Variants in LAMA1 observed in about 807,000 individuals in gnomAD.
The protein encoded by LAMA1 is laminin subunit alpha-1.
In LAMA1, 219 loss-of-function variants were observed where a neutral mutation model predicts 348.7. That is an observed-to-expected ratio of 0.63 (90% CI 0.56 to 0.70). The LOEUF is 0.70. LAMA1 is among the 30% of genes least tolerant of loss of function. The pLI, the probability that LAMA1 is intolerant of heterozygous loss-of-function variation, is 0.00. For missense variants in LAMA1, 3,744 were observed against 3,888.0 expected (o/e 0.96, Z 0.99); for synonymous variants, 1,487 against 1,491.0 (o/e 1.00, Z 0.06).
At chr18:7,055,268 T>A (rs1210851513) in intron 3 of LAMA1, among the ~76,000 whole-genome samples, 1 of 151,604 alleles carries the variant, frequency 6.6e-6, no homozygotes, top group East Asian at 1.9e-4. Flanking sequence ...CTGGCCAACA[T>A]GGTGAAACCC....
chr18:6,985,146 G>A (rs1476155325), intron 39 of LAMA1, 91 bp downstream of exon 39: 1 of 1,454,708 alleles, frequency 6.9e-7, no homozygotes, highest in African/African-American at 1.4e-5. Context: ...CACAAAGGAA[G>A]AGTGACCCAT....
rs776095225 is a variant in LAMA1, at chr18:7,080,316, A to T, written c.203T>A (p.Ile68Asn). The T allele has an allele frequency of 1.4e-5, 22 of 1,614,108 alleles. No homozygotes were observed. In the African/African-American group the frequency reaches 1.5e-4, roughly 11 times the overall value. The stretch of plus-strand genomic sequence containing the variant: ...GGGGTTTGCGCTGTTGCCATCACAG[A>T]TCCGGCACTGTGGGTTTCGGACGGG... ...GRPVRNPQCRICDGNSANPRE... is the reference protein window; with the variant it reads ...GRPVRNPQCRNCDGNSANPRE... Residue 68 changes from isoleucine (I) to asparagine (N), a missense_variant, in exon 2 of 63, where the codon ATC becomes AAC. Coordinates refer to ENST00000389658, the MANE Select transcript of LAMA1 (RefSeq NM_005559.4).
chr18:7,065,246 A>C (rs1414532977), intron 3 of LAMA1, among the ~76,000 whole-genome samples: 1 of 150,892 alleles, frequency 6.6e-6, no homozygotes, highest in Non-Finnish European at 1.5e-5. Flanking sequence ...AAAAAAAAAA[A>C]AAAAAAACAA....
Position 6,975,942 on chromosome 18 carries a change from T to C in LAMA1, c.6484A>G (p.Thr2162Ala), listed in dbSNP as rs572351432. 3.1e-6 allele frequency: 5 copies of C among 1,614,110 alleles called. No individual in the cohort carries two copies. In the East Asian group the frequency reaches 1.1e-4, roughly 36 times the overall value. The change falls in exon 45 of 63, where the codon ACC becomes GCC. Residue 2162 changes from threonine to alanine, a missense_variant. Around this residue, in one of 3 missense-constraint regions of LAMA1, gnomAD observed 1,983 missense variants for 1,934.3 expected, o/e 1.03. Transcript: ENST00000389658. The stretch of plus-strand genomic sequence containing the variant: ...TCCAAAGGTCCATAACTTACAGCGG[T>C]GCTGCTACCGAGGTAGAAGAGAAGA... ...DNLLFYLGSS[T>A]ASDFLAVEMR...
chr18:7,072,833 C>T (rs2058151333), intron 3 of LAMA1, among the ~76,000 whole-genome samples: 2 of 152,098 alleles, frequency 1.3e-5, no homozygotes, highest in Non-Finnish European at 2.9e-5. Flanking sequence ...CGCTGCAAAT[C>T]GATGCTCCCT....
At chr18:7,060,019 C>G (rs558888440) in intron 3 of LAMA1, among the ~76,000 whole-genome samples, 2 of 152,284 alleles carry the variant, frequency 1.3e-5, no homozygotes, top group Admixed American at 1.3e-4. Context: ...TAATAGGAGG[C>G]TAATTACCAA....
chr18:7,057,004 T>A (rs922572599), intron 3 of LAMA1, among the ~76,000 whole-genome samples: 1 of 152,010 alleles, frequency 6.6e-6, no homozygotes, highest in Non-Finnish European at 1.5e-5. Context: ...CCGGAGTAGC[T>A]GGGATTACTG....
intron 58 of LAMA1, 106 bp downstream of exon 58, chr18:6,950,676 A>T: frequency 7.8e-7 from 1 of 1,277,318 alleles, no homozygotes; most frequent in Non-Finnish European, 1.1e-6. Context: ...ACACACGGCG[A>T]GATAGAGATT....
chr18:6,945,652 G>A (rs752389902), intron 61 of LAMA1, among the ~76,000 whole-genome samples: 11 of 152,180 alleles, frequency 7.2e-5, no homozygotes, highest in Non-Finnish European at 1.2e-4. Context: ...TGGCCTCTGT[G>A]TGGCTTGGCA....
intron 2 of LAMA1, 31 bp from the exon 3 acceptor site, chr18:7,080,118 C>T: frequency 1.3e-6 from 2 of 1,583,892 alleles, no homozygotes; most frequent in South Asian, 1.1e-5. Flanking sequence ...ACATGAATTC[C>T]TCTCGGCTGT....
chr18:7,054,781 G>A (rs2058075025), intron 3 of LAMA1, among the ~76,000 whole-genome samples: 2 of 152,080 alleles, frequency 1.3e-5, no homozygotes, highest in African/African-American at 4.8e-5. Flanking sequence ...ATGTGAAGAT[G>A]ACAAGGATGA....
chr18:6,958,460 A>G lies in LAMA1; in HGVS notation c.7964+17T>C, dbSNP rs1483078326. ...GGTCAGAAAGTGCAAGAACATGCAGAGAGCAGGTACACTTACTCCAAATTG... is the reference window on the plus strand; with the variant it reads ...GGTCAGAAAGTGCAAGAACATGCAGGGAGCAGGTACACTTACTCCAAATTG... On this transcript the variant is annotated intron_variant, in intron 55 of 62. Transcript: ENST00000389658. 1.2e-6 allele frequency: 2 copies of G among 1,613,198 alleles called. No homozygotes were observed. Among genetic ancestry groups the G allele is most frequent in the African/African-American group, 1.3e-5 (1 of 74,934 alleles).
chr18:6,975,559 G>C (rs2057678051), intron 45 of LAMA1, among the ~76,000 whole-genome samples: 1 of 152,210 alleles, frequency 6.6e-6, no homozygotes, highest in Non-Finnish European at 1.5e-5. Flanking sequence ...GCACAGCCAA[G>C]GTATCGAAGA....
At chr18:7,002,720 G>A (rs369969232) in intron 29 of LAMA1, among the ~76,000 whole-genome samples, 73 of 152,140 alleles carry the variant, frequency 4.8e-4, no homozygotes, top group African/African-American at 1.7e-3. Context: ...ACAATTTGAA[G>A]CACCAGTTTT....
chr18:7,030,025 C>A (rs2057961845), intron 16 of LAMA1, among the ~76,000 whole-genome samples: 2 of 150,824 alleles, frequency 1.3e-5, no homozygotes, highest in Admixed American at 6.6e-5. Context: ...ATGATGCTAC[C>A]ACGTTTTTTG....
Position 6,948,561 on chromosome 18 carries a change from G to C in LAMA1, c.8557-5C>G. ...GGCAGGGATGCTGTGGGTGATCTAAGCCAAATGACATGCAAGAGTAGACAG... is the reference window on the plus strand; with the variant it reads ...GGCAGGGATGCTGTGGGTGATCTAACCCAAATGACATGCAAGAGTAGACAG... On this transcript the variant is annotated splice_polypyrimidine_tract_variant and splice_region_variant and intron_variant, in intron 59 of 62. Coordinates refer to ENST00000389658, the MANE Select transcript of LAMA1 (RefSeq NM_005559.4). The C allele has an allele frequency of 1.2e-6, 2 of 1,614,186 alleles. No homozygotes were observed. The highest frequency in any genetic ancestry group is 1.7e-6 in the Non-Finnish European group (2 of 1,180,044).
chr18:7,062,688 C>T (rs991700362), intron 3 of LAMA1, among the ~76,000 whole-genome samples: 4 of 152,146 alleles, frequency 2.6e-5, no homozygotes, highest in Admixed American at 6.5e-5. Context: ...CACAAAGAGG[C>T]CAAGCAGTGT....
rs1367057468 is a variant in LAMA1, at chr18:7,015,894, G to C, written c.2990-36C>G. 2.5e-6 allele frequency: 4 copies of C among 1,613,238 alleles called. No homozygotes were observed. In the East Asian group the frequency reaches 8.9e-5, roughly 36 times the overall value. On this transcript the variant is annotated intron_variant, in intron 21 of 62. Coordinates refer to ENST00000389658, the MANE Select transcript of LAMA1 (RefSeq NM_005559.4). The stretch of plus-strand genomic sequence containing the variant: ...GATGAATGCTGGGTTACAGATCTGG[G>C]TGATGTCATTAAAGGGCTAAGAGCT...
chr18:6,993,723 C>T lies in LAMA1; in HGVS notation c.4926G>A (p.Lys1642=), dbSNP rs980780577. Reference sequence around the variant, plus strand: ...AGATTCTCTCAGTTGCCCTATTCACCTTTTGGGTACTCGCTAACATCCTAG... The same window carrying T: ...AGATTCTCTCAGTTGCCCTATTCACTTTTTGGGTACTCGCTAACATCCTAG... The part of the protein sequence containing the change: ...KLTRMLASTQ[K]VNRATERIFK... Residue 1642 remains lysine, a synonymous_variant, in exon 35 of 63, where the codon AAG becomes AAA. Coordinates refer to ENST00000389658, the MANE Select transcript of LAMA1 (RefSeq NM_005559.4). 7 of 1,613,662 alleles carry T rather than the reference C, an allele frequency of 4.3e-6. No individual in the cohort carries two copies. Among genetic ancestry groups the T allele is most frequent in the East Asian group, 4.5e-5 (2 of 44,876 alleles).
Sources: gnomAD v4.1 joint callset for allele counts (sites outside exome capture counted in the v4.1 genomes callset) on GRCh38, gnomAD v4.1.1 for gene constraint, gnomAD v4.1.1 regional missense constraint, MANE v1.5 for transcripts, NCBI Gene and HGNC (gene_info 2026-07-23, HGNC 2026-07-21) for gene names.